The following SGCD variants were observed in gnomAD, a reference collection of about 807,000 sequenced individuals.
SGCD encodes delta-sarcoglycan.
A neutral mutation model predicts 36.6 loss-of-function variants in SGCD; 18 were observed. The observed-to-expected ratio is 0.49, with a 90% CI of 0.34 to 0.73. SGCD has a LOEUF of 0.73. Ranked by LOEUF, SGCD falls within the 30% of genes least tolerant of loss-of-function variation. The probability of loss-of-function intolerance (pLI) is 0.01; values close to 1 mark genes in which losing one functional copy is unlikely to be tolerated. For synonymous variants in SGCD, 133 were observed against 130.6 expected (o/e 1.02, Z -0.12); for missense variants, 387 against 346.7 (o/e 1.12, Z -0.92).
At chr5:156,657,488 TG>T (rs1353335870) in intron 7 of SGCD, among the ~76,000 whole-genome samples, 1 of 146,920 alleles carries the variant, frequency 6.8e-6, no homozygotes, top group Non-Finnish European at 1.5e-5. Flanking sequence ...AGGCCAGGTG[TG>T]GGGTGGCTCA....
At chr5:155,774,329 C>G in the SGCD span, among the ~76,000 whole-genome samples, 1 of 152,170 alleles carries the variant, frequency 6.6e-6, no homozygotes, top group East Asian at 1.9e-4. Context: ...TGGTAACATT[C>G]TTTCCCCTTA....
intron 3 of SGCD, among the ~76,000 whole-genome samples, chr5:156,293,196 T>G (rs1766806722): frequency 6.6e-6 from 1 of 152,102 alleles, no homozygotes; most frequent in Non-Finnish European, 1.5e-5. Flanking sequence ...TGCCTCAGTT[T>G]TCCAAACAGC....
intron 3 of SGCD, among the ~76,000 whole-genome samples, chr5:156,231,606 C>T (rs917459122): frequency 5.9e-5 from 9 of 151,992 alleles, no homozygotes; most frequent in South Asian, 2.1e-4. Context: ...AAAGTGTATT[C>T]GATAAGAGGA....
chr5:155,999,485 T>G (rs562293237), intron 1 of SGCD, among the ~76,000 whole-genome samples: 6 of 152,214 alleles, frequency 3.9e-5, no homozygotes, highest in Non-Finnish European at 7.3e-5. Context: ...CTTTCACTTA[T>G]TCAACAAATA....
intron 1 of SGCD, among the ~76,000 whole-genome samples, chr5:155,871,593 A>T (rs1755655859): frequency 6.6e-6 from 1 of 152,140 alleles, no homozygotes. Context: ...TGGGACTGCA[A>T]CAGGGAAGGT....
intron 3 of SGCD, among the ~76,000 whole-genome samples, chr5:156,247,953 G>A (rs1765479787): frequency 1.3e-5 from 2 of 152,292 alleles, no homozygotes; most frequent in South Asian, 4.1e-4. Flanking sequence ...TGAAGTAAAC[G>A]TTCTGAAGGA....
chr5:156,344,410 G>C, intron 2 of SGCD, 79 bp from the exon 3 acceptor site: 4 of 962,686 alleles, frequency 4.2e-6, no homozygotes, highest in Non-Finnish European at 4.6e-6. Flanking sequence ...TTCATCAGTT[G>C]ATTTTTTTTT....
intron 3 of SGCD, among the ~76,000 whole-genome samples, chr5:156,155,866 T>G (rs1581134735): frequency 6.6e-6 from 1 of 151,700 alleles, no homozygotes; most frequent in Non-Finnish European, 1.5e-5. Context: ...CATTGCAGGA[T>G]GCAGGAGCCT....
chr5:156,626,468 A>G (rs1762445057), intron 6 of SGCD, among the ~76,000 whole-genome samples: 1 of 152,216 alleles, frequency 6.6e-6, no homozygotes, highest in Non-Finnish European at 1.5e-5. Context: ...AGAGCTCTCC[A>G]GCAGAAAGCT....
At chr5:155,941,145 G>A (rs934387451) in intron 1 of SGCD, among the ~76,000 whole-genome samples, 4 of 152,060 alleles carry the variant, frequency 2.6e-5, no homozygotes, top group Admixed American at 1.3e-4. Flanking sequence ...AGAGAGAGCC[G>A]AACTGACTTT....
intron 1 of SGCD, among the ~76,000 whole-genome samples, chr5:155,922,393 C>A (rs1756896225): frequency 6.6e-6 from 1 of 152,094 alleles, no homozygotes. Flanking sequence ...AGTCCTTATT[C>A]CTCACACTTG....
At position 156,021,000 on chromosome 5, in the gene SGCD, T is replaced by C. The variant is rs1458697016; in HGVS notation, c.-281-96878T>C. 2.6e-5 allele frequency among the ~76,000 whole-genome samples: 4 copies of C among 152,342 alleles called. No homozygotes were observed. The East Asian group carries it at 7.7e-4, about 29-fold the overall frequency. On this transcript the variant is annotated intron_variant, in intron 1 of 9. Transcript: ENST00000517913. ...CATTGTTCATATTTTTAAAAAGGCTTTTCTTTCTTCATCCACAAATTGTCT... is the reference window on the plus strand; with the variant it reads ...CATTGTTCATATTTTTAAAAAGGCTCTTCTTTCTTCATCCACAAATTGTCT...
At chr5:155,949,862 G>A (rs1757517374) in intron 1 of SGCD, among the ~76,000 whole-genome samples, 1 of 152,174 alleles carries the variant, frequency 6.6e-6, no homozygotes, top group African/African-American at 2.4e-5. Flanking sequence ...CATAACCCAT[G>A]TATAATACCA....
chr5:155,952,558 G>T (rs1561661149), intron 1 of SGCD, among the ~76,000 whole-genome samples: 1 of 152,182 alleles, frequency 6.6e-6, no homozygotes, highest in East Asian at 1.9e-4. Flanking sequence ...AAATGTGGTT[G>T]CTGTGATGCT....
chr5:156,062,082 C>A (rs796684444), intron 1 of SGCD, among the ~76,000 whole-genome samples: 1 of 77,912 alleles, frequency 1.3e-5, no homozygotes, highest in Non-Finnish European at 2.3e-5. Context: ...TCCCTCCCCC[C>A]TCCCCCGACC....
At chr5:156,092,464 T>C (rs949372042) in intron 1 of SGCD, among the ~76,000 whole-genome samples, 1 of 152,214 alleles carries the variant, frequency 6.6e-6, no homozygotes, top group Non-Finnish European at 1.5e-5. Flanking sequence ...CAGAACTCCT[T>C]TATCTAGTTG....
rs1263556563 is a variant in SGCD, at chr5:156,181,209, C to A, written c.-44+57190C>A. Among the ~76,000 whole-genome samples the A allele has an allele frequency of 3.3e-5, 5 of 152,112 alleles. No individual in the cohort carries two copies. The East Asian group carries it at 9.7e-4, about 29-fold the overall frequency. On this transcript the variant is annotated intron_variant, in intron 3 of 9. Coordinates refer to the SGCD transcript ENST00000517913. ...ATATTTTGGAGAATTGTTTTCTGCACCCCAAAAATAGCATCAGAAAACATC... is the reference window on the plus strand; with the variant it reads ...ATATTTTGGAGAATTGTTTTCTGCAACCCAAAAATAGCATCAGAAAACATC...
At chr5:156,129,044 G>T (rs540484823) in intron 3 of SGCD, among the ~76,000 whole-genome samples, 4 of 152,242 alleles carry the variant, frequency 2.6e-5, no homozygotes, top group African/African-American at 9.6e-5. Flanking sequence ...CTCAGTGCTT[G>T]CTTCTGGTGA....
At chr5:156,438,251 T>C (rs1561695348) in intron 3 of SGCD, among the ~76,000 whole-genome samples, 1 of 152,096 alleles carries the variant, frequency 6.6e-6, no homozygotes. Flanking sequence ...GCTGTAAAAA[T>C]TACCACTGCT....
Sources: allele counts gnomAD v4.1 joint callset (sites outside exome capture counted in the v4.1 genomes callset), GRCh38; gene constraint gnomAD v4.1.1; transcripts MANE v1.5; gene names NCBI Gene and HGNC (gene_info 2026-07-23, HGNC 2026-07-21).